The following FSTL5 variants were observed in gnomAD, a reference collection of about 807,000 sequenced individuals.
FSTL5 encodes the protein follistatin-related protein 5.
FSTL5 carries 62 observed loss-of-function variants against 89.1 expected under a neutral mutation model. That is an observed-to-expected ratio of 0.70 (90% CI 0.57 to 0.86). The LOEUF is 0.86. Among genes scored for constraint, FSTL5 ranks in the 40% least tolerant of loss-of-function variants. FSTL5 has a pLI of 0.00. For missense variants in FSTL5, 1,057 were observed against 1,001.6 expected, an observed-to-expected ratio of 1.06 and a Z score of -0.75; for synonymous variants, 383 against 346.2, an observed-to-expected ratio of 1.11 and a Z score of -1.18.
intron 3 of FSTL5, among the ~76,000 whole-genome samples, chr4:161,924,187 A>T (rs565841495): frequency 6.6e-6 from 1 of 151,812 alleles, no homozygotes; most frequent in South Asian, 2.1e-4. Flanking sequence ...TATATTTAAC[A>T]AATTCATATT....
intron 12 of FSTL5, among the ~76,000 whole-genome samples, chr4:161,496,787 A>AAGAT (rs139742126): frequency 3.5e-5 from 5 of 143,728 alleles, no homozygotes; most frequent in African/African-American, 1.3e-4. Context: ...GATAGAGAAA[A>AAGAT]AGATAGAGAT....
chr4:161,482,251 T>C (rs962949404), intron 12 of FSTL5, among the ~76,000 whole-genome samples: 2 of 152,036 alleles, frequency 1.3e-5, no homozygotes, highest in African/African-American at 4.8e-5. Flanking sequence ...AGGAGGCAGA[T>C]CTTGCAGTGA....
intron 4 of FSTL5, among the ~76,000 whole-genome samples, chr4:161,917,955 T>C (rs1733885979): frequency 6.6e-6 from 1 of 152,178 alleles, no homozygotes; most frequent in South Asian, 2.1e-4. Flanking sequence ...GTAGCAAATA[T>C]ATTTTCCATT....
intron 13 of FSTL5, among the ~76,000 whole-genome samples, chr4:161,470,716 A>G (rs375711735): frequency 1.3e-5 from 2 of 151,918 alleles, no homozygotes; most frequent in South Asian, 2.1e-4. Context: ...TGAGTCTTTC[A>G]ATTCATGAAC....
At position 161,903,110 on chromosome 4, in the gene FSTL5, T is replaced by C. The variant is rs569210571; in HGVS notation, c.409+17294A>G. 3.9e-5 allele frequency among the ~76,000 whole-genome samples: 6 copies of C among 152,308 alleles called. No homozygotes were observed. The South Asian group carries it at 1.2e-3, about 32-fold the overall frequency. ...AATGTTATCCCTTTAATAGGTGCTA[T>C]CCTTACAGGATGTCAAAATCTAAGC... is the stretch of plus-strand genomic sequence containing the variant. On this transcript the variant is annotated intron_variant, in intron 4 of 15. Coordinates refer to ENST00000306100, the MANE Select transcript of FSTL5 (RefSeq NM_020116.5).
chr4:161,712,259 A>C (rs1294340667), intron 6 of FSTL5, among the ~76,000 whole-genome samples: 1 of 152,298 alleles, frequency 6.6e-6, no homozygotes, highest in South Asian at 2.1e-4. Flanking sequence ...GGGTGAATTC[A>C]ATTTTATGTA....
chr4:162,027,400 A>C (rs532061268), intron 3 of FSTL5, among the ~76,000 whole-genome samples: 3 of 152,066 alleles, frequency 2.0e-5, no homozygotes, highest in Non-Finnish European at 4.4e-5. Context: ...CTAATTATTC[A>C]TGGTTTTATA....
intron 4 of FSTL5, among the ~76,000 whole-genome samples, chr4:161,895,071 G>T (rs182898709): frequency 2.6e-5 from 4 of 152,190 alleles, no homozygotes; most frequent in African/African-American, 9.6e-5. Context: ...AGCTATTATT[G>T]TTATCCATTT....
intron 2 of FSTL5, among the ~76,000 whole-genome samples, chr4:162,048,493 T>C (rs1738274004): frequency 6.6e-6 from 1 of 152,060 alleles, no homozygotes. Flanking sequence ...ATAATTATGG[T>C]GGTAAATCAG....
intron 1 of FSTL5, among the ~76,000 whole-genome samples, chr4:162,140,503 CA>C (rs1226963233): frequency 6.6e-6 from 1 of 152,122 alleles, no homozygotes; most frequent in Non-Finnish European, 1.5e-5. Context: ...AGAGAGTTAA[CA>C]GGGGTGAGGA....
intron 1 of FSTL5, among the ~76,000 whole-genome samples, chr4:162,146,235 A>G (rs192721809): frequency 8.5e-4 from 129 of 152,232 alleles, no homozygotes; most frequent in African/African-American, 2.6e-3. Flanking sequence ...TTATATATCT[A>G]TCTATGAATC....
At chr4:161,718,868 G>C (rs1031201603) in intron 6 of FSTL5, among the ~76,000 whole-genome samples, 1 of 152,130 alleles carries the variant, frequency 6.6e-6, no homozygotes, top group Non-Finnish European at 1.5e-5. Context: ...TGTCAAGGGG[G>C]ATCTGAATCA....
rs186613565 is a variant in FSTL5, at chr4:161,505,138, T to C, written c.1340-5004A>G. ...TCAAGTGATCCTAAAAGTATGCATATTTTTGAAATATGGAAGAAATCTCCC... is the reference window on the plus strand; with the variant it reads ...TCAAGTGATCCTAAAAGTATGCATACTTTTGAAATATGGAAGAAATCTCCC... On this transcript the variant is annotated intron_variant, in intron 11 of 15. Transcript: ENST00000306100. 4.0e-3 allele frequency among the ~76,000 whole-genome samples: 615 copies of C among 152,242 alleles called. 6 individuals carry two copies. The highest frequency in any genetic ancestry group is 0.014 in the African/African-American group (596 of 41,572).
intron 4 of FSTL5, among the ~76,000 whole-genome samples, chr4:161,863,840 G>A (rs1316683204): frequency 6.6e-6 from 1 of 152,212 alleles, no homozygotes; most frequent in East Asian, 1.9e-4. Context: ...ACCGCTGGGA[G>A]GGGTCTGGCC....
At chr4:161,980,169 AAAAG>A (rs368661901) in intron 3 of FSTL5, among the ~76,000 whole-genome samples, 87 of 150,154 alleles carry the variant, frequency 5.8e-4, no homozygotes, top group Admixed American at 1.1e-3. Flanking sequence ...GAAAGAAAGA[AAAAG>A]AAAGAGAGGA....
At chr4:161,402,781 T>C (rs748483962) in intron 15 of FSTL5, among the ~76,000 whole-genome samples, 11 of 152,170 alleles carry the variant, frequency 7.2e-5, no homozygotes, top group Non-Finnish European at 1.2e-4. Flanking sequence ...CCCCATTTGT[T>C]TTTCTGACAA....
chr4:161,791,649 C>T (rs918029853), intron 4 of FSTL5, among the ~76,000 whole-genome samples: 3 of 151,980 alleles, frequency 2.0e-5, no homozygotes, highest in African/African-American at 4.8e-5. Flanking sequence ...GGTAGGACAG[C>T]GGTGGGTATC....
intron 13 of FSTL5, among the ~76,000 whole-genome samples, chr4:161,474,545 G>T (rs201381852): frequency 0.16 from 23,849 of 144,548 alleles, 2,432 homozygotes; most frequent in Non-Finnish European, 0.23. Flanking sequence ...TTGTGTAGTG[G>T]TTTTTTTTTT....
intron 15 of FSTL5, among the ~76,000 whole-genome samples, chr4:161,388,591 C>A (rs1382606049): frequency 6.6e-6 from 1 of 151,968 alleles, no homozygotes; most frequent in African/African-American, 2.4e-5. Context: ...AATGGACAAC[C>A]ATTAAGGATG....
Sources: allele counts gnomAD v4.1 joint callset (sites outside exome capture counted in the v4.1 genomes callset), GRCh38; gene constraint gnomAD v4.1.1; transcripts MANE v1.5; gene names NCBI Gene and HGNC (gene_info 2026-07-23, HGNC 2026-07-21).